The following LINGO2 variants were observed in gnomAD, a reference collection of about 807,000 sequenced individuals.
LINGO2 encodes leucine-rich repeat and immunoglobulin-like domain-containing nogo receptor-interacting protein 2.
Under a neutral mutation model 30.6 loss-of-function variants are expected in LINGO2, and 14 were observed. The ratio of observed to expected loss-of-function variants is 0.46; its 90% CI spans 0.30 to 0.72. LINGO2 has a LOEUF of 0.72. LINGO2 is among the 30% of genes least tolerant of loss of function. The probability of loss-of-function intolerance (pLI) is 0.07; values close to 1 mark genes in which losing one functional copy is unlikely to be tolerated. For missense variants in LINGO2, 729 were observed against 751.7 expected (o/e 0.97, Z 0.35); for synonymous variants, 317 against 288.5 (o/e 1.10, Z -1.00).
intron 4 of LINGO2, among the ~76,000 whole-genome samples, chr9:28,176,920 T>A (rs1828766520): frequency 6.6e-6 from 1 of 152,202 alleles, no homozygotes. Context: ...CAACTTCCTA[T>A]ACGAACATGA....
the LINGO2 span, among the ~76,000 whole-genome samples, chr9:28,882,350 A>G: frequency 3.3e-5 from 5 of 152,314 alleles, no homozygotes; most frequent in African/African-American, 1.2e-4. Context: ...CTGGGGTTAG[A>G]CAGTCCTGAG....
chr9:29,137,017 T>G, the LINGO2 span, among the ~76,000 whole-genome samples: 2 of 152,164 alleles, frequency 1.3e-5, no homozygotes, highest in African/African-American at 2.4e-5. Flanking sequence ...CATTGTCTAG[T>G]CCAAGAAAAC....
intron 5 of LINGO2, among the ~76,000 whole-genome samples, chr9:28,011,703 T>C (rs1822562816): frequency 6.6e-6 from 1 of 152,226 alleles, no homozygotes; most frequent in South Asian, 2.1e-4. Context: ...CTGAGCTCTG[T>C]GCATTTTCAT....
intron 4 of LINGO2, among the ~76,000 whole-genome samples, chr9:28,159,257 T>C (rs1302751580): frequency 1.1e-4 from 16 of 152,222 alleles, no homozygotes; most frequent in Admixed American, 9.8e-4. Flanking sequence ...AGTATCATAA[T>C]ACTTGAGGTG....
the LINGO2 span, among the ~76,000 whole-genome samples, chr9:28,879,975 T>C: frequency 3.3e-5 from 5 of 152,210 alleles, no homozygotes; most frequent in African/African-American, 1.2e-4. Context: ...TTTACTTAAA[T>C]AAAAGAATGC....
At chr9:28,688,573 T>C in the LINGO2 span, among the ~76,000 whole-genome samples, 36 of 152,292 alleles carry the variant, frequency 2.4e-4, no homozygotes, top group African/African-American at 2.4e-4. Flanking sequence ...CGAGGAAGAA[T>C]GCAGGTGTAT....
intron 3 of LINGO2, among the ~76,000 whole-genome samples, chr9:28,309,980 T>G (rs531012079): frequency 6.6e-6 from 1 of 152,122 alleles, no homozygotes; most frequent in African/African-American, 2.4e-5. Flanking sequence ...TTAAATTAAA[T>G]AAGATTAAAA....
chr9:28,503,154 C>A (rs1819961230), intron 1 of LINGO2, among the ~76,000 whole-genome samples: 1 of 152,030 alleles, frequency 6.6e-6, no homozygotes, highest in South Asian at 2.1e-4. Context: ...GAAACACTTT[C>A]TGTATTACTT....
chr9:29,147,070 G>T, the LINGO2 span, among the ~76,000 whole-genome samples: 2 of 152,046 alleles, frequency 1.3e-5, no homozygotes, highest in African/African-American at 4.8e-5. Context: ...AAATGAAACA[G>T]AATTGGCAAT....
At chr9:28,983,624 C>CA in the LINGO2 span, among the ~76,000 whole-genome samples, 26 of 151,800 alleles carry the variant, frequency 1.7e-4, no homozygotes, top group Non-Finnish European at 3.2e-4. Flanking sequence ...ACAGTGACTA[C>CA]AAAATTCTAT....
At chr9:29,107,550 AT>A in the LINGO2 span, among the ~76,000 whole-genome samples, 3 of 151,814 alleles carry the variant, frequency 2.0e-5, no homozygotes, top group Non-Finnish European at 4.4e-5. Context: ...GTCTTTTAAA[AT>A]TTTTTTTTCT....
At chr9:29,150,624 A>G in the LINGO2 span, among the ~76,000 whole-genome samples, 4 of 152,190 alleles carry the variant, frequency 2.6e-5, no homozygotes, top group Non-Finnish European at 5.9e-5. Flanking sequence ...TTAATAATAC[A>G]GTTCAAAATA....
chr9:28,995,080 G>C, the LINGO2 span, among the ~76,000 whole-genome samples: 3 of 151,744 alleles, frequency 2.0e-5, no homozygotes, highest in Admixed American at 6.6e-5. Context: ...GAGTGAACAG[G>C]CAACCTACAA....
At chr9:28,317,756 G>A (rs1232291952) in intron 3 of LINGO2, among the ~76,000 whole-genome samples, 1 of 152,114 alleles carries the variant, frequency 6.6e-6, no homozygotes, top group Non-Finnish European at 1.5e-5. Flanking sequence ...TTCATACAGG[G>A]TACGAGAACA....
intron 2 of LINGO2, among the ~76,000 whole-genome samples, chr9:28,438,603 G>A (rs186734103): frequency 7.2e-5 from 11 of 152,096 alleles, no homozygotes; most frequent in South Asian, 4.2e-4. Context: ...AATTTCTAGC[G>A]TAAATTTCCT....
intron 4 of LINGO2, among the ~76,000 whole-genome samples, chr9:28,225,098 C>T (rs1821102236): frequency 6.6e-6 from 1 of 152,002 alleles, no homozygotes; most frequent in Non-Finnish European, 1.5e-5. Flanking sequence ...TATTTCTCAC[C>T]ATATAGAAAA....
chr9:28,405,214 T>C lies in LINGO2; in HGVS notation c.-278-32346A>G, dbSNP rs145738738. Among the ~76,000 whole-genome samples, 360 of 152,268 alleles carry C rather than the reference T, an allele frequency of 2.4e-3. 5 individuals carry two copies. The highest frequency in any genetic ancestry group is 5.0e-4 in the Non-Finnish European group (34 of 68,024). On this transcript the variant is annotated intron_variant, in intron 2 of 5. Transcript: ENST00000379992. ...ACACTAATATATATTACGTAACTTGTATATTTAATTTAAGGCATTTTATTT... is the reference window on the plus strand; with the variant it reads ...ACACTAATATATATTACGTAACTTGCATATTTAATTTAAGGCATTTTATTT...
the LINGO2 span, among the ~76,000 whole-genome samples, chr9:28,898,712 G>A: frequency 2.6e-5 from 4 of 151,870 alleles, no homozygotes; most frequent in African/African-American, 9.7e-5. Context: ...CTACAATATT[G>A]CAAAATTAAT....
chr9:28,672,836 C>T (rs1438248296), upstream of LINGO2, among the ~76,000 whole-genome samples: 1 of 151,990 alleles, frequency 6.6e-6, no homozygotes, highest in Non-Finnish European at 1.5e-5. Flanking sequence ...AAGAAATGTA[C>T]ATTTTATTTA....
Sources: allele counts gnomAD v4.1 joint callset (sites outside exome capture counted in the v4.1 genomes callset), GRCh38; gene constraint gnomAD v4.1.1; transcripts MANE v1.5; gene names NCBI Gene and HGNC (gene_info 2026-07-23, HGNC 2026-07-21).